TMC2: variants seen among roughly 807,000 people sequenced by gnomAD.
TMC2 encodes transmembrane channel-like protein 2.
TMC2 carries 102 observed loss-of-function variants against 105.9 expected under a neutral mutation model. That is an observed-to-expected ratio of 0.96 (90% CI 0.82 to 1.14). The LOEUF (loss-of-function observed/expected upper bound fraction) is 1.14, where lower values mean the gene tolerates loss of function less well. TMC2 is among the 50% of genes most tolerant of loss of function. The pLI, the probability that TMC2 is intolerant of heterozygous loss-of-function variation, is 0.00. For synonymous variants in TMC2, 402 were observed against 422.8 expected (o/e 0.95, Z 0.60); for missense variants, 1,093 against 1,134.3 (o/e 0.96, Z 0.52).
At chr20:2,576,606 T>A (rs974055571) in intron 5 of TMC2, among the ~76,000 whole-genome samples, 8 of 152,254 alleles carry the variant, frequency 5.3e-5, no homozygotes, top group Non-Finnish European at 1.2e-4. Flanking sequence ...CTCGCATTAA[T>A]AAAGCTTATG....
chr20:2,636,412 A>G (rs1418636036), intron 18 of TMC2, among the ~76,000 whole-genome samples: 2 of 150,604 alleles, frequency 1.3e-5, no homozygotes, highest in Non-Finnish European at 3.0e-5. Flanking sequence ...CACACATGGG[A>G]AGCCTCTCTC....
At chr20:2,601,528 G>T (rs752969495) in intron 10 of TMC2, among the ~76,000 whole-genome samples, 1 of 152,186 alleles carries the variant, frequency 6.6e-6, no homozygotes, top group Non-Finnish European at 1.5e-5. Context: ...CTATTCTACT[G>T]GTGTGTTGCT....
intron 10 of TMC2, among the ~76,000 whole-genome samples, chr20:2,598,692 G>A (rs112284388): frequency 0.02 from 3,118 of 152,160 alleles, 118 homozygotes; most frequent in African/African-American, 0.069. Flanking sequence ...ACAAGCATGA[G>A]CCACTGTGCC....
chr20:2,596,524 T>C (rs2086307879), intron 9 of TMC2, among the ~76,000 whole-genome samples: 1 of 150,998 alleles, frequency 6.6e-6, no homozygotes, highest in Admixed American at 6.6e-5. Flanking sequence ...TCCCAGCTAC[T>C]CGGGAGGCTG....
chr20:2,622,922 A>G (rs1275675984), intron 16 of TMC2, among the ~76,000 whole-genome samples: 1 of 152,090 alleles, frequency 6.6e-6, no homozygotes, highest in Non-Finnish European at 1.5e-5. Context: ...TTAAAATACC[A>G]TATTATACTA....
chr20:2,537,186 A>T, intron 1 of TMC2, 83 bp from the exon 2 acceptor site: 2 of 1,283,776 alleles, frequency 1.6e-6, no homozygotes, highest in Non-Finnish European at 2.2e-6. Context: ...AAATCAGCTG[A>T]GGGGTCCCAC....
chr20:2,564,432 G>A (rs1023653024), intron 4 of TMC2, among the ~76,000 whole-genome samples: 3 of 151,826 alleles, frequency 2.0e-5, no homozygotes, highest in Non-Finnish European at 2.9e-5. Context: ...TTACAGGCAT[G>A]AGCCACCGCG....
chr20:2,552,421 T>C (rs960767570), intron 2 of TMC2, among the ~76,000 whole-genome samples: 5 of 152,232 alleles, frequency 3.3e-5, no homozygotes, highest in African/African-American at 1.2e-4. Context: ...ATTCATTTAT[T>C]TAAGTCTTTG....
chr20:2,642,040 A>G lies in TMC2; in HGVS notation c.*689A>G, dbSNP rs901138186. 6.6e-5 allele frequency among the ~76,000 whole-genome samples: 10 copies of G among 151,910 alleles called. No homozygotes were observed. In the East Asian group the frequency reaches 7.8e-4, roughly 12 times the overall value. ...GCAGAGGTTGCAGTTAGCTAAGATC[A>G]CGTCACTGCACTCCAGTCTGGGCAA... On this transcript the variant is annotated 3_prime_UTR_variant, in exon 20 of 20. Transcript: ENST00000358864.
At chr20:2,568,441 G>A (rs971596535) in intron 4 of TMC2, among the ~76,000 whole-genome samples, 2 of 152,106 alleles carry the variant, frequency 1.3e-5, no homozygotes, top group African/African-American at 4.8e-5. Context: ...ACTAGCCTTT[G>A]GTAGGGTCCC....
rs184137246 is a variant in TMC2 at position 2,608,662 on chromosome 20, A to G, written c.1414-1757A>G. Among the ~76,000 whole-genome samples the G allele has an allele frequency of 1.5e-3, 230 of 152,178 alleles. 1 individual carries two copies. Among genetic ancestry groups the G allele is most frequent in the Non-Finnish European group, 2.5e-3 (172 of 68,014 alleles). ...ACCTTTAGTCACTCTTACTCTTCCCATCTTCACTAAACTGCAGCACCATTG... is the reference window on the plus strand; with the variant it reads ...ACCTTTAGTCACTCTTACTCTTCCCGTCTTCACTAAACTGCAGCACCATTG... On this transcript the variant is annotated intron_variant, in intron 11 of 19. Transcript: ENST00000358864.
At chr20:2,540,872 G>C (rs2085885652) in intron 2 of TMC2, among the ~76,000 whole-genome samples, 1 of 152,006 alleles carries the variant, frequency 6.6e-6, no homozygotes, top group South Asian at 2.1e-4. Context: ...CAGCAAACAT[G>C]CTCCATTATC....
At chr20:2,545,812 AGAG>A (rs1348214218) in intron 2 of TMC2, among the ~76,000 whole-genome samples, 1 of 146,510 alleles carries the variant, frequency 6.8e-6, no homozygotes, top group African/African-American at 2.6e-5. Context: ...AAGAAGAAGA[AGAG>A]GAAGAGGAAG....
At chr20:2,608,005 T>C (rs2086406297) in intron 11 of TMC2, among the ~76,000 whole-genome samples, 1 of 151,718 alleles carries the variant, frequency 6.6e-6, no homozygotes, top group Non-Finnish European at 1.5e-5. Context: ...ATGCCTGTAG[T>C]CCCAGCTACT....
chr20:2,542,880 A>C (rs1165395194), intron 2 of TMC2, among the ~76,000 whole-genome samples: 3 of 151,486 alleles, frequency 2.0e-5, no homozygotes, highest in Non-Finnish European at 2.9e-5. Context: ...TTAGTATTTT[A>C]TACTTAGTAT....
At chr20:2,542,885 T>C (rs183470304) in intron 2 of TMC2, among the ~76,000 whole-genome samples, 138 of 151,816 alleles carry the variant, frequency 9.1e-4, no homozygotes, top group Non-Finnish European at 7.7e-4. Context: ...ATTTTATACT[T>C]AGTATATTAT....
At chr20:2,601,059 C>T (rs73077205) in intron 10 of TMC2, among the ~76,000 whole-genome samples, 2,873 of 150,640 alleles carry the variant, frequency 0.019, 46 homozygotes, top group African/African-American at 0.037. Context: ...CATAAAATTC[C>T]TAGACATAAA....
At chr20:2,557,496 A>G (rs1310346159) in intron 2 of TMC2, among the ~76,000 whole-genome samples, 1 of 152,090 alleles carries the variant, frequency 6.6e-6, no homozygotes, top group South Asian at 2.1e-4. Flanking sequence ...CATTTTATCC[A>G]TTAGATCTGT....
At chr20:2,537,561 G>T (rs1388934879) in intron 2 of TMC2, among the ~76,000 whole-genome samples, 1 of 152,192 alleles carries the variant, frequency 6.6e-6, no homozygotes, top group Non-Finnish European at 1.5e-5. Context: ...ACTCTGAGCT[G>T]AGCCTTGGGA....
Sources: allele counts gnomAD v4.1 joint callset (sites outside exome capture counted in the v4.1 genomes callset), GRCh38; gene constraint gnomAD v4.1.1; transcripts MANE v1.5; gene names NCBI Gene and HGNC (gene_info 2026-07-23, HGNC 2026-07-21).